Variants in NPAS3 observed in about 807,000 individuals in gnomAD.
NPAS3 encodes the protein neuronal PAS domain-containing protein 3.
NPAS3 carries 14 observed loss-of-function variants against 73.1 expected under a neutral mutation model. The ratio of observed to expected loss-of-function variants is 0.19; its 90% confidence interval spans 0.13 to 0.30. The LOEUF (loss-of-function observed/expected upper bound fraction) is 0.30, where lower values mean the gene tolerates loss of function less well. Ranked by LOEUF, NPAS3 falls within the 10% of genes least tolerant of loss-of-function variation. The probability of loss-of-function intolerance (pLI) is 1.00; values close to 1 mark genes in which losing one functional copy is unlikely to be tolerated. For synonymous variants in NPAS3, 620 were observed against 541.5 expected, an observed-to-expected ratio of 1.14 and a Z score of -2.01; for missense variants, 1,096 against 1,250.0, an observed-to-expected ratio of 0.88 and a Z score of 1.86.
At chr14:33,695,078 G>T (rs138920789) in intron 6 of NPAS3, among the ~76,000 whole-genome samples, 27 of 152,230 alleles carry the variant, frequency 1.8e-4, no homozygotes, top group African/African-American at 4.6e-4. Context: ...ATCACAAAAG[G>T]TTACTTCTTG....
rs866031524 is a variant in NPAS3 at position 33,742,446 on chromosome 14, G to A, written c.852+7114G>A. 3.7e-4 allele frequency among the ~76,000 whole-genome samples: 56 copies of A among 152,338 alleles called. 1 individual carries two copies. Among genetic ancestry groups the A allele is most frequent in the Middle Eastern group, 6.8e-3 (2 of 294 alleles). Reference sequence around the variant, plus strand: ...TGCAGATAAAAGTTAGGTTTATACTGTAGTCTATTAAGTGTACAACAGCAT... The same window carrying A: ...TGCAGATAAAAGTTAGGTTTATACTATAGTCTATTAAGTGTACAACAGCAT... On this transcript the variant is annotated intron_variant, in intron 7 of 11. Coordinates refer to ENST00000356141, the Ensembl canonical transcript of NPAS3.
chr14:33,707,111 G>A (rs2060676956), intron 6 of NPAS3, among the ~76,000 whole-genome samples: 1 of 152,114 alleles, frequency 6.6e-6, no homozygotes, highest in South Asian at 2.1e-4. Context: ...CAGATTGTGG[G>A]TACTCACATC....
chr14:33,064,006 G>C (rs989841911), intron 2 of NPAS3, among the ~76,000 whole-genome samples: 3 of 151,870 alleles, frequency 2.0e-5, no homozygotes, highest in African/African-American at 7.3e-5. Flanking sequence ...TGTTATAGTT[G>C]TTGTTTATTA....
At chr14:33,334,481 T>C (rs1200034247) in intron 3 of NPAS3, among the ~76,000 whole-genome samples, 1 of 152,200 alleles carries the variant, frequency 6.6e-6, no homozygotes. Flanking sequence ...TCTTATAAGA[T>C]GTAGTCTTCT....
At chr14:33,789,780 AGG>A (rs1373229985) in intron 9 of NPAS3, among the ~76,000 whole-genome samples, 1 of 150,420 alleles carries the variant, frequency 6.6e-6, no homozygotes, top group African/African-American at 2.5e-5. Context: ...TAGTAGAGAC[AGG>A]GTTTCACCGT....
rs10715621 is a variant in NPAS3 at position 33,544,812 on chromosome 14, G to T, written c.469-15309G>T. 4.7e-3 allele frequency among the ~76,000 whole-genome samples: 403 copies of T among 85,770 alleles called. 34 individuals carry two copies. Among genetic ancestry groups the T allele is most frequent in the Non-Finnish European group, 6.0e-3 (288 of 47,668 alleles). 56.3% of individuals were successfully genotyped at this position (85,770 alleles called of 152,430 possible). ...ATTATATATATATATATATATATAT[G>T]TATATATAATATATATGTGTATATA... On this transcript the variant is annotated intron_variant, in intron 4 of 11. Transcript: ENST00000356141.
intron 1 of NPAS3, among the ~76,000 whole-genome samples, chr14:33,006,858 T>C (rs945407698): frequency 1.3e-5 from 2 of 152,194 alleles, no homozygotes; most frequent in Non-Finnish European, 2.9e-5. Flanking sequence ...CAAGCCAAGT[T>C]TAAAATAATC....
chr14:33,379,816 GAATCA>G (rs1401767524), intron 4 of NPAS3, among the ~76,000 whole-genome samples: 1 of 152,094 alleles, frequency 6.6e-6, no homozygotes, highest in African/African-American at 2.4e-5. Context: ...TGGCTTAGAA[GAATCA>G]AATCAAAATT....
rs141317265 is a variant in NPAS3, at chr14:33,344,923, C to T, written c.386-22263C>T. Among the ~76,000 whole-genome samples, 1,345 of 152,256 alleles carry T rather than the reference C, an allele frequency of 8.8e-3. 72 individuals are homozygous for T. Among genetic ancestry groups the T allele is most frequent in the Admixed American group, 0.079 (1,205 of 15,294 alleles). ...TGTGGCTCTGTGGAGTCAAATGTCA[C>T]CCTGCCTCCCATTCCTCCTGGATAT... On this transcript the variant is annotated intron_variant, in intron 3 of 11. Transcript: ENST00000356141.
intron 4 of NPAS3, among the ~76,000 whole-genome samples, chr14:33,435,357 A>C (rs550929764): frequency 2.0e-5 from 3 of 152,258 alleles, no homozygotes; most frequent in Non-Finnish European, 4.4e-5. Flanking sequence ...TCTTTTAAAA[A>C]TAAAATCATG....
intron 5 of NPAS3, among the ~76,000 whole-genome samples, chr14:33,635,094 T>G (rs1016660435): frequency 3.3e-5 from 5 of 152,118 alleles, no homozygotes; most frequent in Admixed American, 1.3e-4. Context: ...CCAGGTAAGA[T>G]TTTTATGAAA....
At chr14:33,132,056 T>G (rs1328855267) in intron 2 of NPAS3, among the ~76,000 whole-genome samples, 1 of 151,846 alleles carries the variant, frequency 6.6e-6, no homozygotes, top group African/African-American at 2.4e-5. Flanking sequence ...ATTTAAGTGG[T>G]TCATGTATTC....
At chr14:33,065,489 G>A (rs927884747) in intron 2 of NPAS3, among the ~76,000 whole-genome samples, 2 of 152,034 alleles carry the variant, frequency 1.3e-5, no homozygotes, top group Non-Finnish European at 2.9e-5. Context: ...TGGGTCCTTC[G>A]AGGATTTTGG....
intron 7 of NPAS3, among the ~76,000 whole-genome samples, chr14:33,744,672 C>T (rs1178478952): frequency 6.6e-6 from 1 of 152,128 alleles, no homozygotes; most frequent in African/African-American, 2.4e-5. Context: ...TGCCTGTGGT[C>T]TCAGCTACTC....
In NPAS3 at chr14:33,284,011, C is replaced by A. The variant is rs2041750438; in HGVS notation, c.385+68585C>A. On this transcript the variant is annotated intron_variant, in intron 3 of 11. Coordinates refer to ENST00000356141, the Ensembl canonical transcript of NPAS3. ...TACTTTGTTTATCTTCCTCTTAATTCACCATCCTTTTTCTCCTTTCTTCAT... is the reference window on the plus strand; with the variant it reads ...TACTTTGTTTATCTTCCTCTTAATTAACCATCCTTTTTCTCCTTTCTTCAT... Among the ~76,000 whole-genome samples the A allele has an allele frequency of 2.6e-5, 4 of 152,278 alleles. No individual in the cohort carries two copies. In the South Asian group the frequency reaches 8.3e-4, roughly 32 times the overall value.
At chr14:33,317,479 A>G (rs1232755477) in intron 3 of NPAS3, among the ~76,000 whole-genome samples, 1 of 152,072 alleles carries the variant, frequency 6.6e-6, no homozygotes, top group Non-Finnish European at 1.5e-5. Flanking sequence ...CTGTGTCCAC[A>G]CCCAAATTTC....
downstream of NPAS3, chr14:33,801,729 T>A (rs2063718202): frequency 1.2e-5 from 1 of 80,346 alleles, no homozygotes; most frequent in South Asian, 5.4e-4. Flanking sequence ...GTGACTAGAA[T>A]GTTTAAAAAA....
intron 6 of NPAS3, among the ~76,000 whole-genome samples, chr14:33,697,148 T>C (rs1374119531): frequency 1.3e-5 from 2 of 152,216 alleles, no homozygotes; most frequent in East Asian, 3.9e-4. Context: ...TCTTGCCAAA[T>C]TAAAGATTCT....
intron 4 of NPAS3, among the ~76,000 whole-genome samples, chr14:33,460,995 T>G (rs1036692586): frequency 1.3e-5 from 2 of 152,210 alleles, no homozygotes; most frequent in Non-Finnish European, 2.9e-5. Context: ...ACAAGGACAT[T>G]TTTGAACTGC....
Sources: gnomAD v4.1 joint callset for allele counts (sites outside exome capture counted in the v4.1 genomes callset) on GRCh38, gnomAD v4.1.1 for gene constraint, MANE v1.5 for transcripts, NCBI Gene and HGNC (gene_info 2026-07-23, HGNC 2026-07-21) for gene names.